Variants in PRKAR1B observed in about 807,000 individuals in gnomAD.
PRKAR1B encodes cAMP-dependent protein kinase type I-beta regulatory subunit.
PRKAR1B carries 22 observed loss-of-function variants against 46.5 expected under a neutral mutation model. The observed-to-expected ratio is 0.47, with a 90% confidence interval of 0.34 to 0.68. PRKAR1B has a LOEUF of 0.68. Ranked by LOEUF, PRKAR1B falls within the 30% of genes least tolerant of loss-of-function variation. The pLI, the probability that PRKAR1B is intolerant of heterozygous loss-of-function variation, is 0.01. For missense variants in PRKAR1B, 445 were observed against 535.6 expected, an observed-to-expected ratio of 0.83 and a Z score of 1.67; for synonymous variants, 259 against 217.7, an observed-to-expected ratio of 1.19 and a Z score of -1.67.
At position 652,329 on chromosome 7, in the gene PRKAR1B, G is replaced by A. The variant is rs543041478; in HGVS notation, c.440+24900C>T. On this transcript the variant is annotated intron_variant, in intron 4 of 10. Transcript: ENST00000537384. ...CTAGGAACCTGGGGAAACCCCTCTC[G>A]GAACACAGTTCACACCCACACAGAG... is the stretch of plus-strand genomic sequence containing the variant. Among the ~76,000 whole-genome samples the A allele has an allele frequency of 8.7e-5, 13 of 148,846 alleles. No individual in the cohort carries two copies. The South Asian group carries it at 2.6e-3, about 30-fold the overall frequency.
At chr7:646,192 C>T (rs955564038) in intron 4 of PRKAR1B, among the ~76,000 whole-genome samples, 4 of 152,150 alleles carry the variant, frequency 2.6e-5, no homozygotes, top group Admixed American at 1.3e-4. Flanking sequence ...ACCACAGGTG[C>T]ACCACCATGC....
At chr7:680,397 G>A (rs528145652) in intron 3 of PRKAR1B, among the ~76,000 whole-genome samples, 159 bp downstream of exon 3, 3 of 152,124 alleles carry the variant, frequency 2.0e-5, no homozygotes, top group African/African-American at 4.8e-5. Flanking sequence ...AGCCCACCCA[G>A]AACTGCCTCT....
intron 2 of PRKAR1B, among the ~76,000 whole-genome samples, chr7:704,800 C>T (rs944682330): frequency 1.3e-5 from 2 of 151,932 alleles, no homozygotes; most frequent in African/African-American, 4.8e-5. Context: ...AAGCCACATA[C>T]TAGAAGAAAA....
At chr7:600,328 G>A (rs2128459185) in intron 6 of PRKAR1B, among the ~76,000 whole-genome samples, 1 of 152,148 alleles carries the variant, frequency 6.6e-6, no homozygotes, top group Non-Finnish European at 1.5e-5. Context: ...AACACAGCAA[G>A]ACCCCGTCTC....
At chr7:686,378 T>G (rs1779100357) in intron 2 of PRKAR1B, among the ~76,000 whole-genome samples, 1 of 152,160 alleles carries the variant, frequency 6.6e-6, no homozygotes, top group Non-Finnish European at 1.5e-5. Flanking sequence ...ATTTAAAATT[T>G]AGGATTTTAG....
At chr7:665,786 T>A (rs1233640629) in intron 4 of PRKAR1B, among the ~76,000 whole-genome samples, 1 of 152,208 alleles carries the variant, frequency 6.6e-6, no homozygotes, top group Non-Finnish European at 1.5e-5. Context: ...TCCCTTCAGC[T>A]GCCCGTGAAT....
rs1377440284 is a variant in PRKAR1B, at chr7:726,867, C to T, written c.-23+343G>A. 6 of 1,320,414 alleles carry T rather than the reference C, an allele frequency of 4.5e-6. No individual in the cohort carries two copies. The highest frequency in any genetic ancestry group is 4.8e-6 in the Non-Finnish European group (5 of 1,037,882). 81.8% of individuals were successfully genotyped at this position (1,320,414 alleles called of 1,614,324 possible). A position where few individuals can be genotyped will look rare whatever the true frequency, so the allele number is the denominator to read the frequency against. ...ACAGCAAGCCGGGCCGGCGGCGCGC[C>T]TTGGAGGCCCTGCGGCGCGCGCTGG... On this transcript the variant is annotated intron_variant, in intron 1 of 10. Transcript: ENST00000537384.
At chr7:569,517 A>G (rs1562525885) in intron 9 of PRKAR1B, among the ~76,000 whole-genome samples, 1 of 152,238 alleles carries the variant, frequency 6.6e-6, no homozygotes, top group African/African-American at 2.4e-5. Flanking sequence ...GTTGTGCCCA[A>G]GGCCCTGGGG....
At chr7:682,316 CGGTGGCTTCAGGCTGGGTGT>C (rs1778731900) in intron 2 of PRKAR1B, among the ~76,000 whole-genome samples, 4 of 152,248 alleles carry the variant, frequency 2.6e-5, no homozygotes, top group South Asian at 4.2e-4. Flanking sequence ...AGGCCAAGTG[CGGTGGCTTCAGGCTGGGTGT>C]GGTGGCTTCT....
chr7:688,913 T>A (rs1779255588), intron 2 of PRKAR1B, among the ~76,000 whole-genome samples: 1 of 152,218 alleles, frequency 6.6e-6, no homozygotes, highest in East Asian at 1.9e-4. Flanking sequence ...CAGTAAATGC[T>A]TAATACATAT....
chr7:674,114 A>G (rs1786445423), intron 4 of PRKAR1B, among the ~76,000 whole-genome samples: 1 of 152,076 alleles, frequency 6.6e-6, no homozygotes, highest in Non-Finnish European at 1.5e-5. Context: ...CCTCTCTGCC[A>G]CTCAAGATGA....
chr7:656,348 AATGT>A (rs1785186130), intron 4 of PRKAR1B, among the ~76,000 whole-genome samples: 1 of 152,072 alleles, frequency 6.6e-6, no homozygotes, highest in African/African-American at 2.4e-5. Flanking sequence ...TGCATGGGTG[AATGT>A]ATGGATGCAT....
intron 7 of PRKAR1B, among the ~76,000 whole-genome samples, chr7:586,961 G>A (rs892776828): frequency 1.0e-4 from 15 of 148,786 alleles, no homozygotes; most frequent in African/African-American, 3.7e-4. Flanking sequence ...TCGGCTCACT[G>A]CAAGCTCCAA....
At chr7:671,340 G>C (rs1402774104) in intron 4 of PRKAR1B, among the ~76,000 whole-genome samples, 1 of 152,208 alleles carries the variant, frequency 6.6e-6, no homozygotes, top group Non-Finnish European at 1.5e-5. Flanking sequence ...GCCTCTCACT[G>C]TGGCTACTTC....
intron 8 of PRKAR1B, among the ~76,000 whole-genome samples, chr7:582,374 T>A (rs887721160): frequency 2.6e-5 from 4 of 152,254 alleles, no homozygotes; most frequent in Admixed American, 2.6e-4. Flanking sequence ...TTCAGGCTCA[T>A]CCAGGGCCAT....
intron 9 of PRKAR1B, among the ~76,000 whole-genome samples, chr7:555,734 C>G (rs1230054511): frequency 6.6e-6 from 1 of 152,188 alleles, no homozygotes; most frequent in East Asian, 1.9e-4. Flanking sequence ...GCAACTTGGC[C>G]AAGGCCACAC....
intron 9 of PRKAR1B, among the ~76,000 whole-genome samples, chr7:562,452 C>T (rs562056676): frequency 1.4e-4 from 22 of 152,200 alleles, no homozygotes; most frequent in Non-Finnish European, 2.1e-4. Context: ...TCCCAGACGA[C>T]GGCAGACACC....
Position 667,345 on chromosome 7 carries a change from G to T in PRKAR1B, c.440+9884C>A, listed in dbSNP as rs1212812430. Among the ~76,000 whole-genome samples, 2 of 152,176 alleles carry T rather than the reference G, an allele frequency of 1.3e-5. No individual in the cohort carries two copies. The highest frequency in any genetic ancestry group is 2.4e-5 in the African/African-American group (1 of 41,424). ...TCATTTGACACCTGAGGAAACTGAG[G>T]CTCAGAGAATGTTATTACTTATAAA... On this transcript the variant is annotated intron_variant, in intron 4 of 10. Coordinates refer to ENST00000537384, the MANE Select transcript of PRKAR1B (RefSeq NM_001164760.2). The surrounding 1 kb of genome is among the most constrained non-coding windows in gnomAD (Gnocchi z 4.3).
intron 4 of PRKAR1B, among the ~76,000 whole-genome samples, chr7:654,744 TCAC>T (rs1785104644): frequency 1.3e-5 from 2 of 151,900 alleles, no homozygotes; most frequent in South Asian, 2.1e-4. Context: ...CTCATCACCG[TCAC>T]CACCATTCTT....
Sources: allele counts gnomAD v4.1 joint callset (sites outside exome capture counted in the v4.1 genomes callset), GRCh38; gene constraint gnomAD v4.1.1; non-coding constraint Gnocchi (gnomAD v3.1); transcripts MANE v1.5; gene names NCBI Gene and HGNC (gene_info 2026-07-23, HGNC 2026-07-21).